The following GRM3 variants were observed in gnomAD, a reference collection of about 807,000 sequenced individuals.
The protein encoded by GRM3 is metabotropic glutamate receptor 3.
In GRM3, 26 loss-of-function variants were observed where a neutral mutation model predicts 70.5. The ratio of observed to expected loss-of-function variants is 0.37; its 90% CI spans 0.27 to 0.51. The LOEUF (loss-of-function observed/expected upper bound fraction) is 0.51, where lower values mean the gene tolerates loss of function less well. GRM3 is among the 20% of genes least tolerant of loss of function. GRM3 has a pLI of 0.93. For synonymous variants in GRM3, 443 were observed against 434.9 expected (o/e 1.02, Z -0.23); for missense variants, 859 against 1,123.8 (o/e 0.76, Z 3.37).
At chr7:86,720,331 G>C (rs892870300) in intron 1 of GRM3, among the ~76,000 whole-genome samples, 3 of 151,992 alleles carry the variant, frequency 2.0e-5, no homozygotes, top group Admixed American at 6.6e-5. Context: ...AGTGTATCAT[G>C]TGGGGCATGT....
intron 1 of GRM3, among the ~76,000 whole-genome samples, chr7:86,657,013 A>G (rs1793763764): frequency 6.6e-6 from 1 of 152,208 alleles, no homozygotes; most frequent in Non-Finnish European, 1.5e-5. Flanking sequence ...TCATGTTAAT[A>G]TCTTCCATTA....
At chr7:86,736,308 C>T (rs890866542) in intron 1 of GRM3, among the ~76,000 whole-genome samples, 24 of 152,034 alleles carry the variant, frequency 1.6e-4, no homozygotes, top group African/African-American at 4.8e-4. Flanking sequence ...AGGTGGTGTG[C>T]CTTAACTCAA....
chr7:86,774,865 T>C (rs1429583054), intron 2 of GRM3, among the ~76,000 whole-genome samples: 2 of 152,090 alleles, frequency 1.3e-5, no homozygotes, highest in African/African-American at 2.4e-5. Context: ...AATTTCTCAA[T>C]AAAAAAGTAA....
At chr7:86,651,356 AT>A (rs747906477) in intron 1 of GRM3, among the ~76,000 whole-genome samples, 38 of 152,206 alleles carry the variant, frequency 2.5e-4, no homozygotes, top group Non-Finnish European at 4.6e-4. Flanking sequence ...TTGATTGTTA[AT>A]AATAGATAGC....
chr7:86,696,200 A>G (rs905259293), intron 1 of GRM3, among the ~76,000 whole-genome samples: 1 of 152,216 alleles, frequency 6.6e-6, no homozygotes, highest in African/African-American at 2.4e-5. Context: ...CATAATCTGC[A>G]ATTGTTACCT....
chr7:86,810,386 A>C (rs901084155), intron 3 of GRM3, among the ~76,000 whole-genome samples: 41 of 152,000 alleles, frequency 2.7e-4, no homozygotes, highest in African/African-American at 9.4e-4. Flanking sequence ...TTCTGCTAGA[A>C]ATTCATGAAT....
chr7:86,823,146 A>G (rs1475610592), intron 3 of GRM3, among the ~76,000 whole-genome samples: 7 of 152,210 alleles, frequency 4.6e-5, no homozygotes, highest in Non-Finnish European at 7.3e-5. Context: ...TAGCCCATAG[A>G]AATAATAATG....
intron 3 of GRM3, among the ~76,000 whole-genome samples, chr7:86,828,135 A>C (rs1324328557): frequency 6.7e-6 from 1 of 148,382 alleles, no homozygotes; most frequent in Admixed American, 6.7e-5. Context: ...AAAAAAAAAA[A>C]AATCCAATAC....
intron 1 of GRM3, among the ~76,000 whole-genome samples, chr7:86,683,022 C>T (rs954440760): frequency 1.3e-5 from 2 of 152,060 alleles, no homozygotes; most frequent in African/African-American, 4.8e-5. Context: ...TTGAACTGAA[C>T]AAATCATTCT....
At chr7:86,673,082 T>A (rs1794213704) in intron 1 of GRM3, among the ~76,000 whole-genome samples, 1 of 152,140 alleles carries the variant, frequency 6.6e-6, no homozygotes, top group Non-Finnish European at 1.5e-5. Flanking sequence ...CTCCAGGTGA[T>A]CTGGAACAGA....
chr7:86,776,768 G>A (rs1796903420), intron 2 of GRM3, among the ~76,000 whole-genome samples: 1 of 152,258 alleles, frequency 6.6e-6, no homozygotes, highest in Middle Eastern at 3.4e-3. Flanking sequence ...GGTACTAAAC[G>A]ATGTGTTTCT....
At chr7:86,812,785 G>C (rs1400375041) in intron 3 of GRM3, among the ~76,000 whole-genome samples, 1 of 151,752 alleles carries the variant, frequency 6.6e-6, no homozygotes, top group Non-Finnish European at 1.5e-5. Flanking sequence ...TAGTGGAAAT[G>C]ATAGGATTGT....
chr7:86,688,221 A>G (rs1396295075), intron 1 of GRM3, among the ~76,000 whole-genome samples: 1 of 151,606 alleles, frequency 6.6e-6, no homozygotes, highest in Non-Finnish European at 1.5e-5. Context: ...GTCAGACTTG[A>G]AAAAAAATGC....
chr7:86,838,736 A>T (rs987925272), intron 3 of GRM3, 103 bp from the exon 4 acceptor site: 1 of 657,486 alleles, frequency 1.5e-6, no homozygotes. Flanking sequence ...CCTTGGAATC[A>T]CCATTTCCTG....
chr7:86,750,730 G>T (rs1796211000), intron 1 of GRM3, among the ~76,000 whole-genome samples: 1 of 151,766 alleles, frequency 6.6e-6, no homozygotes, highest in South Asian at 2.1e-4. Flanking sequence ...AATGGAAGAA[G>T]GTTGCAACAA....
At chr7:86,775,413 A>G (rs1340223066) in intron 2 of GRM3, 1 of 152,130 alleles carries the variant, frequency 6.6e-6, no homozygotes, top group African/African-American at 2.4e-5. Context: ...ACTCAGCATT[A>G]TTGAGATGAC....
intron 3 of GRM3, among the ~76,000 whole-genome samples, chr7:86,795,564 G>T (rs576420687): frequency 1.2e-4 from 19 of 152,090 alleles, no homozygotes; most frequent in African/African-American, 4.6e-4. Flanking sequence ...GTTTGCTGAG[G>T]ACAATGGCTT....
At chr7:86,647,180 C>T (rs992768021) in intron 1 of GRM3, among the ~76,000 whole-genome samples, 3 of 152,172 alleles carry the variant, frequency 2.0e-5, no homozygotes, top group Admixed American at 6.5e-5. Context: ...TTGAAAGATT[C>T]TCAGCAATAA....
intron 1 of GRM3, among the ~76,000 whole-genome samples, chr7:86,663,232 T>C (rs942241965): frequency 6.6e-6 from 1 of 151,662 alleles, no homozygotes; most frequent in African/African-American, 2.4e-5. Flanking sequence ...CAGTGGCCAA[T>C]GAGGTAAGGG....
Sources: allele counts gnomAD v4.1 joint callset (sites outside exome capture counted in the v4.1 genomes callset), GRCh38; gene constraint gnomAD v4.1.1; transcripts MANE v1.5; gene names NCBI Gene and HGNC (gene_info 2026-07-23, HGNC 2026-07-21).